Variants in KALRN observed in about 807,000 individuals in gnomAD.
KALRN encodes the protein kalirin.
KALRN carries 70 observed loss-of-function variants against 353.7 expected under a neutral mutation model. The observed-to-expected ratio is 0.20, with a 90% CI of 0.16 to 0.24. The LOEUF (loss-of-function observed/expected upper bound fraction) is 0.24. Among genes scored for constraint, KALRN ranks in the 10% least tolerant of loss-of-function variants. The probability of loss-of-function intolerance (pLI) is 1.00; values close to 1 mark genes in which losing one functional copy is unlikely to be tolerated. For synonymous variants in KALRN, 1,391 were observed against 1,434.8 expected (o/e 0.97, Z 0.69); for missense variants, 2,791 against 3,756.7 (o/e 0.74, Z 6.72).
intron 1 of KALRN, among the ~76,000 whole-genome samples, chr3:124,136,875 G>A (rs903327128): frequency 2.6e-5 from 4 of 152,118 alleles, no homozygotes; most frequent in Admixed American, 6.6e-5. Context: ...TCTTGTTTTC[G>A]CACTACAGGA....
In KALRN at chr3:124,079,540, G is replaced by A. The variant is rs1186991903; in HGVS notation, c.73+45727G>A. 2.0e-5 allele frequency among the ~76,000 whole-genome samples: 3 copies of A among 152,146 alleles called. No individual in the cohort carries two copies. In the East Asian group the frequency reaches 5.8e-4, roughly 29 times the overall value. On this transcript the variant is annotated intron_variant, in intron 1 of 59. Transcript: ENST00000682506. ...CCAAGACATCTACTGCCACCTGGTGGTAGAGTATACCACCTGTGGGATTTG... is the reference window on the plus strand; with the variant it reads ...CCAAGACATCTACTGCCACCTGGTGATAGAGTATACCACCTGTGGGATTTG...
intron 1 of KALRN, chr3:124,163,882 T>G: frequency 1.0e-6 from 1 of 985,458 alleles, no homozygotes; most frequent in Non-Finnish European, 1.2e-6. Context: ...CTTGGCCAAG[T>G]CACTGTTGAC....
At chr3:124,426,342 C>T (rs1027190745) in intron 15 of KALRN, among the ~76,000 whole-genome samples, 3 of 151,766 alleles carry the variant, frequency 2.0e-5, no homozygotes, top group African/African-American at 7.3e-5. Flanking sequence ...TGAATATAGT[C>T]TCAAAAAAGA....
At chr3:124,404,627 A>T (rs2091297332) in intron 13 of KALRN, among the ~76,000 whole-genome samples, 1 of 148,376 alleles carries the variant, frequency 6.7e-6, no homozygotes. Context: ...GTCAGCTTTT[A>T]TATTTTGTCA....
At chr3:124,476,538 T>C (rs1173832358) in intron 26 of KALRN, among the ~76,000 whole-genome samples, 1 of 152,014 alleles carries the variant, frequency 6.6e-6, no homozygotes, top group East Asian at 1.9e-4. Flanking sequence ...CTGAGATGGG[T>C]AGCATTTCAC....
intron 33 of KALRN, among the ~76,000 whole-genome samples, chr3:124,538,139 G>C (rs553312052): frequency 1.3e-5 from 2 of 152,174 alleles, no homozygotes; most frequent in African/African-American, 2.4e-5. Flanking sequence ...AGGCAAAAAC[G>C]TATGTACCTT....
rs140970862 is a variant in KALRN at position 124,411,610 on chromosome 3, G to A, written c.2347-1860G>A. On this transcript the variant is annotated intron_variant, in intron 13 of 59. Coordinates refer to ENST00000682506, the MANE Select transcript of KALRN (RefSeq NM_001388419.1). ...GTGCATGCCACCATGCCTAGCTAAT[G>A]TATTATTATTTGCTTTGGAGAGACA... 1.9e-3 allele frequency among the ~76,000 whole-genome samples: 293 copies of A among 151,640 alleles called. 5 individuals are homozygous for A. The East Asian group carries it at 0.046, about 24-fold the overall frequency.
intron 32 of KALRN, among the ~76,000 whole-genome samples, chr3:124,495,787 G>C (rs1354990716): frequency 7.0e-6 from 1 of 143,376 alleles, no homozygotes; most frequent in Non-Finnish European, 1.5e-5. Flanking sequence ...TTTCTTTATA[G>C]GCCAGCTGTA....
intron 1 of KALRN, among the ~76,000 whole-genome samples, chr3:124,221,564 A>G (rs2077909265): frequency 6.6e-6 from 1 of 152,228 alleles, no homozygotes; most frequent in Non-Finnish European, 1.5e-5. Flanking sequence ...CCAGGGAAAC[A>G]GCACAGAGGA....
chr3:124,316,531 A>G (rs2078829669), intron 6 of KALRN, among the ~76,000 whole-genome samples: 1 of 152,130 alleles, frequency 6.6e-6, no homozygotes, highest in African/African-American at 2.4e-5. Flanking sequence ...TGACCCACCA[A>G]AGACATTCCT....
At chr3:124,043,763 CAAT>C (rs769655097) in intron 1 of KALRN, among the ~76,000 whole-genome samples, 5 of 152,108 alleles carry the variant, frequency 3.3e-5, no homozygotes, top group Non-Finnish European at 7.3e-5. Flanking sequence ...CTAAAGTTAG[CAAT>C]CCGTTTAAAA....
chr3:124,084,590 G>A (rs1052336280), intron 1 of KALRN, among the ~76,000 whole-genome samples: 25 of 152,212 alleles, frequency 1.6e-4, no homozygotes, highest in African/African-American at 6.0e-4. Context: ...AAAGAAGGAA[G>A]CATGTTTAGA....
At chr3:124,105,574 G>A (rs1295167614) in intron 1 of KALRN, among the ~76,000 whole-genome samples, 2 of 152,144 alleles carry the variant, frequency 1.3e-5, no homozygotes, top group Admixed American at 6.5e-5. Context: ...ATAATTTCGT[G>A]GGAATAGAGG....
Position 124,490,864 on chromosome 3 carries a change from G to T in KALRN, c.4567G>T (p.Val1523Phe). Residue 1523 changes from valine (V) to phenylalanine (F), a missense_variant, in exon 30 of 60, where the codon GTT becomes TTT. Val to Phe is a conservative substitution (Grantham distance 50, BLOSUM62 -1). Coordinates refer to ENST00000682506, the MANE Select transcript of KALRN (RefSeq NM_001388419.1). ...IKDSSGHTKY[V>F]YKNKLLTSEL... ...AGATTCTTCAGGACACACGAAATAT[G>T]TTTACAAGAACAAGCTACTGGTAGG... is the stretch of plus-strand genomic sequence containing the variant. 6.2e-7 allele frequency: 1 copy of T among 1,612,634 alleles called. No homozygotes were observed.
At chr3:124,701,950 G>A (rs2062361949) in intron 56 of KALRN, 88 bp from the exon 57 acceptor site, 7 of 954,704 alleles carry the variant, frequency 7.3e-6, no homozygotes, top group Admixed American at 7.0e-5. Flanking sequence ...GAATTGCTTT[G>A]GGGTTACTCT....
chr3:124,682,034 T>C (rs990431229), intron 51 of KALRN, among the ~76,000 whole-genome samples: 4 of 152,214 alleles, frequency 2.6e-5, no homozygotes, highest in African/African-American at 9.7e-5. Flanking sequence ...TAGTTTGGTA[T>C]TTTCAGATGC....
intron 1 of KALRN, among the ~76,000 whole-genome samples, chr3:124,062,339 C>A (rs550159557): frequency 1.4e-4 from 22 of 152,276 alleles, no homozygotes; most frequent in African/African-American, 4.8e-4. Flanking sequence ...AGCAACAGAG[C>A]TTTGTAAGAG....
chr3:124,640,580 A>G (rs771113288), intron 37 of KALRN, among the ~76,000 whole-genome samples: 1 of 152,134 alleles, frequency 6.6e-6, no homozygotes, highest in Non-Finnish European at 1.5e-5. Flanking sequence ...CACCACGCCC[A>G]GCCAATGCAT....
intron 37 of KALRN, among the ~76,000 whole-genome samples, chr3:124,648,096 C>A (rs2082982332): frequency 6.6e-6 from 1 of 152,236 alleles, no homozygotes; most frequent in African/African-American, 2.4e-5. Flanking sequence ...AGGAGCAGAA[C>A]AGAGAATTTT....
Sources: gnomAD v4.1 joint callset for allele counts (sites outside exome capture counted in the v4.1 genomes callset) on GRCh38, gnomAD v4.1.1 for gene constraint, MANE v1.5 for transcripts, NCBI Gene and HGNC (gene_info 2026-07-23, HGNC 2026-07-21) for gene names.